Variants in CSE1L observed in about 807,000 individuals in gnomAD.
CSE1L encodes chromosome segregation 1 like.
A neutral mutation model predicts 120.4 loss-of-function variants in CSE1L; 24 were observed. The ratio of observed to expected loss-of-function variants is 0.20; its 90% CI spans 0.14 to 0.28. The LOEUF (loss-of-function observed/expected upper bound fraction) is 0.28. CSE1L is among the 10% of genes least tolerant of loss of function. The pLI, the probability that CSE1L is intolerant of heterozygous loss-of-function variation, is 1.00. For missense variants in CSE1L, 830 were observed against 1,145.2 expected (o/e 0.72, Z 3.97); for synonymous variants, 402 against 398.3 (o/e 1.01, Z -0.11).
chr20:49,089,960 A>G (rs1159594663), intron 19 of CSE1L, among the ~76,000 whole-genome samples: 7 of 151,956 alleles, frequency 4.6e-5, no homozygotes, highest in Non-Finnish European at 1.0e-4. Flanking sequence ...CTACAAAGGA[A>G]AAAAAAGCTT....
rs146057626 is a variant in CSE1L, at chr20:49,065,816, A to T, written c.229-376A>T. Among the ~76,000 whole-genome samples the T allele has an allele frequency of 7.7e-3, 1,162 of 151,556 alleles. 17 individuals are homozygous for T. The highest frequency in any genetic ancestry group is 0.026 in the African/African-American group (1,068 of 41,304). Reference sequence around the variant, plus strand: ...ACCATGTTGGCCAGGCTGGTCTCAAACTCCTGACCTCAGGTGATCCACCTG... The same window carrying T: ...ACCATGTTGGCCAGGCTGGTCTCAATCTCCTGACCTCAGGTGATCCACCTG... On this transcript the variant is annotated intron_variant, in intron 3 of 24. Coordinates refer to ENST00000262982, the MANE Select transcript of CSE1L (RefSeq NM_001316.4).
intron 2 of CSE1L, among the ~76,000 whole-genome samples, 184 bp from the exon 3 acceptor site, chr20:49,063,018 G>A (rs545176695): frequency 6.6e-6 from 1 of 151,770 alleles, no homozygotes; most frequent in East Asian, 1.9e-4. Flanking sequence ...GAAAACTGAA[G>A]CATTATATAA....
chr20:49,058,090 T>G (rs891554488), intron 1 of CSE1L, among the ~76,000 whole-genome samples: 3 of 152,152 alleles, frequency 2.0e-5, no homozygotes, highest in Non-Finnish European at 4.4e-5. Flanking sequence ...GCTTCTTTAA[T>G]AAGTTCCTCC....
At position 49,057,454 on chromosome 20, in the gene CSE1L, C is replaced by CTTT. The variant is rs535693108; in HGVS notation, c.-11-983_-11-981dup. Among the ~76,000 whole-genome samples the CTTT allele has an allele frequency of 1.7e-3, 187 of 112,750 alleles. 2 individuals carry two copies. Among genetic ancestry groups the CTTT allele is most frequent in the Non-Finnish European group, 3.1e-3 (168 of 54,840 alleles). 74.0% of individuals were successfully genotyped at this position (112,750 alleles called of 152,430 possible). ...AAATTTTAATTTCTCGTTGTGGGGC[C>CTTT]TTTTTTTTTTTTTTTTTTAAGACAG... On this transcript the variant is annotated intron_variant, in intron 1 of 24. Transcript: ENST00000262982.
intron 12 of CSE1L, 78 bp downstream of exon 12, chr20:49,075,598 C>G: frequency 9.1e-7 from 1 of 1,104,926 alleles, no homozygotes; most frequent in Non-Finnish European, 1.3e-6. Context: ...AATAACGTCT[C>G]TGATAATAGA....
chr20:49,068,776 C>T lies in CSE1L; in HGVS notation c.629C>T (p.Ser210Phe). 1 of 1,613,818 alleles carries T rather than the reference C, an allele frequency of 6.2e-7. No homozygotes were observed. The highest frequency in any genetic ancestry group is 8.5e-7 in the Non-Finnish European group (1 of 1,179,726). Residue 210 changes from serine to phenylalanine, a missense_variant, in exon 7 of 25, where the codon TCT (serine) becomes TTT (phenylalanine). Around this residue, in one of 4 missense-constraint regions of CSE1L, gnomAD observed 543 missense variants for 640.2 expected, o/e 0.85. Transcript: ENST00000262982. ...GCCTCTGCCCTGAGGATTCTGTTTT[C>T]TTCCCTGATCCTGATCTCAAAATTG... ...NDASALRILF[S>F]SLILISKLFY... is the part of the protein sequence containing the mutation.
intron 21 of CSE1L, 96 bp downstream of exon 21, chr20:49,091,118 T>A: frequency 1.1e-6 from 1 of 916,972 alleles, no homozygotes; most frequent in Non-Finnish European, 1.7e-6. Flanking sequence ...TTATCCGTTT[T>A]AAACTTTATG....
At chr20:49,081,337 G>A (rs1203129157) in intron 14 of CSE1L, among the ~76,000 whole-genome samples, 3 of 152,030 alleles carry the variant, frequency 2.0e-5, no homozygotes. Flanking sequence ...AGGCTGGAGT[G>A]CAGTGACATG....
intron 1 of CSE1L, among the ~76,000 whole-genome samples, chr20:49,056,348 C>T (rs1424057640): frequency 6.6e-6 from 1 of 152,130 alleles, no homozygotes; most frequent in East Asian, 1.9e-4. Flanking sequence ...AGGTGATCCA[C>T]CCCCCTCAGC....
intron 2 of CSE1L, among the ~76,000 whole-genome samples, chr20:49,062,765 G>A (rs2123682130): frequency 6.6e-6 from 1 of 151,724 alleles, no homozygotes. Flanking sequence ...GGACCCATTT[G>A]GCTAATAATA....
chr20:49,056,847 C>CTG (rs3223230), intron 1 of CSE1L, among the ~76,000 whole-genome samples: 12,760 of 148,912 alleles, frequency 0.086, 589 homozygotes, highest in Middle Eastern at 0.15. Context: ...ACTTCACATG[C>CTG]TGTGTGTGTG....
chr20:49,059,557 C>T (rs961030347), intron 2 of CSE1L, among the ~76,000 whole-genome samples: 2 of 152,018 alleles, frequency 1.3e-5, no homozygotes, highest in African/African-American at 4.8e-5. Flanking sequence ...ATGAAGTGCC[C>T]TCATTTTTAA....
intron 16 of CSE1L, among the ~76,000 whole-genome samples, chr20:49,087,798 GTA>G (rs968635027): frequency 4.3e-4 from 66 of 151,960 alleles, no homozygotes; most frequent in African/African-American, 1.5e-3. Context: ...GAAATACTCA[GTA>G]TTTCCCAGCT....
intron 15 of CSE1L, among the ~76,000 whole-genome samples, chr20:49,084,889 GCCAGTACCTATCTTCAGGCC>G (rs1045689325): frequency 6.6e-6 from 1 of 152,164 alleles, no homozygotes; most frequent in Non-Finnish European, 1.5e-5. Flanking sequence ...GGTGAGTCAA[GCCAGTACCTATCTTCAGGCC>G]CAGAATTTAT....
rs377071060 is a variant in CSE1L, at chr20:49,077,011, A to C, written c.1367A>C (p.Asn456Thr). 1 of 1,606,830 alleles carries C rather than the reference A, an allele frequency of 6.2e-7. No homozygotes were observed. The highest frequency in any genetic ancestry group is 1.3e-5 in the African/African-American group (1 of 74,508). The change falls in exon 13 of 25, where the codon AAC (asparagine) becomes ACC (threonine). Residue 456 changes from asparagine (N) to threonine (T), a missense_variant. By Grantham distance (65) the Asn-to-Thr change is moderately conservative. Around this residue, in one of 4 missense-constraint regions of CSE1L, gnomAD observed 543 missense variants for 640.2 expected, o/e 0.85. Transcript: ENST00000262982. ...HGITQANELV[N>T]LTEFFVNHIL... ...ATTACACAAGCAAATGAACTTGTAA[A>C]CCTAACTGAGTTCTTTGTGAATCAC...
At chr20:49,046,695 C>G (rs1255405465) in intron 1 of CSE1L, among the ~76,000 whole-genome samples, 1 of 152,260 alleles carries the variant, frequency 6.6e-6, no homozygotes, top group African/African-American at 2.4e-5. Context: ...GAGGCGCGGC[C>G]TAACGCGAGC....
intron 1 of CSE1L, among the ~76,000 whole-genome samples, chr20:49,054,062 C>T (rs568621844): frequency 3.7e-3 from 562 of 152,310 alleles, no homozygotes; most frequent in Non-Finnish European, 6.1e-3. Flanking sequence ...ATTTTCCAAA[C>T]TTGTGATATA....
At chr20:49,078,101 T>C (rs1468132356) in intron 13 of CSE1L, among the ~76,000 whole-genome samples, 3 of 152,186 alleles carry the variant, frequency 2.0e-5, no homozygotes, top group African/African-American at 4.8e-5. Flanking sequence ...TGTAGGAAAT[T>C]TATGTACACC....
intron 17 of CSE1L, among the ~76,000 whole-genome samples, chr20:49,088,903 G>A (rs2092080145): frequency 6.6e-6 from 1 of 152,148 alleles, no homozygotes; most frequent in Non-Finnish European, 1.5e-5. Flanking sequence ...TCATTTGGGG[G>A]ATTATCAGTA....
Sources: allele counts gnomAD v4.1 joint callset (sites outside exome capture counted in the v4.1 genomes callset), GRCh38; gene constraint gnomAD v4.1.1; regional missense constraint gnomAD v4.1.1; transcripts MANE v1.5; gene names NCBI Gene and HGNC (gene_info 2026-07-23, HGNC 2026-07-21).